ABCA12: variants seen among roughly 807,000 people sequenced by gnomAD.
The protein encoded by ABCA12 is glucosylceramide transporter ABCA12.
A neutral mutation model predicts 293.5 loss-of-function variants in ABCA12; 156 were observed. The ratio of observed to expected loss-of-function variants is 0.53; its 90% confidence interval spans 0.47 to 0.61. ABCA12 has a LOEUF of 0.61. Ranked by LOEUF, ABCA12 falls within the 20% of genes least tolerant of loss-of-function variation. The pLI, the probability that ABCA12 is intolerant of heterozygous loss-of-function variation, is 0.00. For missense variants in ABCA12, 2,797 were observed against 3,090.2 expected (o/e 0.91, Z 2.25); for synonymous variants, 1,063 against 1,108.0 (o/e 0.96, Z 0.81).
chr2:215,133,849 G>T (rs1019210695), intron 1 of ABCA12, among the ~76,000 whole-genome samples: 1 of 152,048 alleles, frequency 6.6e-6, no homozygotes, highest in Non-Finnish European at 1.5e-5. Flanking sequence ...TGGGATCAGA[G>T]AATGTTAGAG....
At chr2:214,938,118 C>G (rs576660647) in intron 50 of ABCA12, among the ~76,000 whole-genome samples, 86 of 151,956 alleles carry the variant, frequency 5.7e-4, no homozygotes, top group African/African-American at 1.5e-3. Context: ...CCCCCACCCC[C>G]CAACAGACCC....
rs1311256923 is a variant in ABCA12, at chr2:215,074,226, G to A, written c.164-10007C>T. ...GAAAAGTTGTTTTTCCCCCTCTCAG[G>A]AAGAAACGTCTTACATAAGAAAATA... On this transcript the variant is annotated intron_variant, in intron 2 of 52. Coordinates refer to ENST00000272895, the MANE Select transcript of ABCA12 (RefSeq NM_173076.3). Among the ~76,000 whole-genome samples the A allele has an allele frequency of 2.0e-5, 3 of 152,238 alleles. No individual in the cohort carries two copies. The East Asian group carries it at 5.8e-4, about 29-fold the overall frequency.
chr2:215,065,301 A>T lies in ABCA12; in HGVS notation c.164-1082T>A, dbSNP rs1371849245. Among the ~76,000 whole-genome samples the T allele has an allele frequency of 5.6e-3, 303 of 53,962 alleles. 4 individuals are homozygous for T. Among genetic ancestry groups the T allele is most frequent in the African/African-American group, 0.017 (291 of 17,538 alleles). 35.4% of individuals were successfully genotyped at this position (53,962 alleles called of 152,430 possible). On this transcript the variant is annotated intron_variant, in intron 2 of 52. Coordinates refer to ENST00000272895, the MANE Select transcript of ABCA12 (RefSeq NM_173076.3). Reference sequence around the variant, plus strand: ...TTTAATCTCCGCATGAATGTGTAAAAAAAAAAAAAAAAAAAAAAAAAAAAA... The same window carrying T: ...TTTAATCTCCGCATGAATGTGTAAATAAAAAAAAAAAAAAAAAAAAAAAAA...
intron 9 of ABCA12, among the ~76,000 whole-genome samples, chr2:215,030,582 C>A (rs1159580097): frequency 7.0e-6 from 1 of 142,790 alleles, no homozygotes; most frequent in Admixed American, 7.3e-5. Flanking sequence ...CCAGCCTGGG[C>A]GACAGAGCCA....
At chr2:215,076,476 C>T (rs969176692) in intron 2 of ABCA12, among the ~76,000 whole-genome samples, 7 of 151,986 alleles carry the variant, frequency 4.6e-5, no homozygotes, top group African/African-American at 1.7e-4. Flanking sequence ...CAAGAGATTC[C>T]GTTTTACATC....
intron 31 of ABCA12, among the ~76,000 whole-genome samples, chr2:214,979,943 G>T (rs1699610292): frequency 6.6e-6 from 1 of 152,144 alleles, no homozygotes; most frequent in South Asian, 2.1e-4. Flanking sequence ...TCTTTAGCGA[G>T]CATTTTTGTT....
intron 4 of ABCA12, among the ~76,000 whole-genome samples, chr2:215,054,159 G>C (rs1465948885): frequency 1.3e-5 from 2 of 152,160 alleles, no homozygotes; most frequent in East Asian, 3.9e-4. Context: ...TGTAGATACA[G>C]CACTTAACTT....
At position 215,049,711 on chromosome 2, in the gene ABCA12, C is replaced by G; in HGVS notation, c.608G>C (p.Gly203Ala). The change falls in exon 6 of 53, where the codon GGA becomes GCA. Residue 203 changes from glycine (G) to alanine (A), a missense_variant. Coordinates refer to ENST00000272895, the MANE Select transcript of ABCA12 (RefSeq NM_173076.3). ...VDDAFSWTFL[G>A]RNVFNKFCLS... ...GCAAAATTTGTTAAAAACATTTCTT[C>G]CTAGAAAGGTCCAAGAGAAGGCATC... 6.2e-7 allele frequency: 1 copy of G among 1,613,630 alleles called. No individual in the cohort carries two copies. Among genetic ancestry groups the G allele is most frequent in the Non-Finnish European group, 8.5e-7 (1 of 1,179,746 alleles).
intron 1 of ABCA12, among the ~76,000 whole-genome samples, chr2:215,126,266 CT>C (rs1466191853): frequency 6.6e-6 from 1 of 151,792 alleles, no homozygotes; most frequent in Non-Finnish European, 1.5e-5. Context: ...GTTTTTTGCT[CT>C]TGTCCTTTCC....
chr2:215,070,313 T>C (rs955646624), intron 2 of ABCA12, among the ~76,000 whole-genome samples: 6 of 152,186 alleles, frequency 3.9e-5, no homozygotes, highest in Non-Finnish European at 7.3e-5. Context: ...AGGTATTGTG[T>C]GCTTGGCACC....
intron 40 of ABCA12, 73 bp from the exon 41 acceptor site, chr2:214,958,527 A>G: frequency 6.6e-7 from 1 of 1,505,564 alleles, no homozygotes. Context: ...AAGATTCATA[A>G]CTAAAACCAT....
At chr2:215,025,135 C>T (rs1319756791) in intron 11 of ABCA12, among the ~76,000 whole-genome samples, 1 of 151,966 alleles carries the variant, frequency 6.6e-6, no homozygotes, top group African/African-American at 2.4e-5. Flanking sequence ...ATTATTATTA[C>T]GAATCCTTTT....
At chr2:214,954,423 C>A (rs1191711728) in intron 43 of ABCA12, among the ~76,000 whole-genome samples, 1 of 152,084 alleles carries the variant, frequency 6.6e-6, no homozygotes, top group Non-Finnish European at 1.5e-5. Flanking sequence ...GGGTCTGTTA[C>A]ACGGTATCAT....
chr2:215,075,352 C>T, intron 2 of ABCA12: 1 of 513,160 alleles, frequency 1.9e-6, no homozygotes, highest in Non-Finnish European at 3.4e-6. Context: ...CAACTTCTTC[C>T]CCAAATCTTT....
intron 36 of ABCA12, 75 bp downstream of exon 36, chr2:214,973,874 C>T (rs928703403): frequency 8.7e-6 from 11 of 1,265,986 alleles, no homozygotes; most frequent in Middle Eastern, 1.9e-4. Flanking sequence ...CTTTGGTAAC[C>T]TAGAGAGATC....
rs566838602 is a variant in ABCA12 at position 214,943,110 on chromosome 2, C to T, written c.7344-93G>A. The T allele has an allele frequency of 2.7e-4, 246 of 903,162 alleles. No homozygotes were observed. The Middle Eastern group carries it at 3.7e-3, about 14-fold the overall frequency. 55.9% of individuals were successfully genotyped at this position (903,162 alleles called of 1,614,324 possible). A position where few individuals can be genotyped will look rare whatever the true frequency, so the allele number is the denominator to read the frequency against. On this transcript the variant is annotated intron_variant, in intron 49 of 52. Transcript: ENST00000272895. ...TAAGCATAATTGTTTCATTATGGCACTTGGAAATACTATTTTAGTTTTTTT... is the reference window on the plus strand; with the variant it reads ...TAAGCATAATTGTTTCATTATGGCATTTGGAAATACTATTTTAGTTTTTTT...
intron 32 of ABCA12, 86 bp downstream of exon 32, chr2:214,978,718 T>A (rs1005349496): frequency 1.1e-5 from 16 of 1,449,196 alleles, no homozygotes; most frequent in East Asian, 2.3e-5. Context: ...ATTTTAAAAA[T>A]TTTTTTAGAA....
At chr2:214,935,898 G>A (rs1698204492) in intron 51 of ABCA12, among the ~76,000 whole-genome samples, 1 of 152,076 alleles carries the variant, frequency 6.6e-6, no homozygotes, top group Non-Finnish European at 1.5e-5. Context: ...ATTTTATGAA[G>A]ATAAAATAAT....
At chr2:215,116,778 T>G (rs1702695962) in intron 1 of ABCA12, among the ~76,000 whole-genome samples, 1 of 152,194 alleles carries the variant, frequency 6.6e-6, no homozygotes, top group Non-Finnish European at 1.5e-5. Flanking sequence ...TGTGACATTC[T>G]TGCCAAAGAT....
Sources: gnomAD v4.1 joint callset for allele counts (sites outside exome capture counted in the v4.1 genomes callset) on GRCh38, gnomAD v4.1.1 for gene constraint, MANE v1.5 for transcripts, NCBI Gene and HGNC (gene_info 2026-07-23, HGNC 2026-07-21) for gene names.